AFF2: variants seen among roughly 807,000 people sequenced by gnomAD.
The protein encoded by AFF2 is ALF transcription elongation factor 2, also known as AF4/FMR2 family member 2.
A neutral mutation model predicts 76.9 loss-of-function variants in AFF2; 14 were observed. The observed-to-expected ratio is 0.18, with a 90% CI of 0.12 to 0.28. The LOEUF is 0.28. Ranked by LOEUF, AFF2 falls within the 10% of genes least tolerant of loss-of-function variation. The pLI is 1.00. For synonymous variants in AFF2, 398 were observed against 366.7 expected, an observed-to-expected ratio of 1.09 and a Z score of -0.98; for missense variants, 868 against 1,001.1, an observed-to-expected ratio of 0.87 and a Z score of 1.79.
intron 3 of AFF2, among the ~76,000 whole-genome samples, chrX:148,704,104 A>T (rs989933246): frequency 1.6e-4 from 16 of 100,868 alleles, no homozygotes; most frequent in African/African-American, 5.6e-4. Context: ...TATATATATT[A>T]TATATATATA....
intron 9 of AFF2, among the ~76,000 whole-genome samples, chrX:148,928,312 T>C (rs2071676069): frequency 8.9e-6 from 1 of 112,679 alleles, no homozygotes; most frequent in South Asian, 3.7e-4. Context: ...TATAGCTTTT[T>C]CTGTCAATTC....
At chrX:148,929,919 T>C (rs2071693354) in intron 9 of AFF2, among the ~76,000 whole-genome samples, 1 of 111,709 alleles carries the variant, frequency 9.0e-6, no homozygotes, top group Non-Finnish European at 1.9e-5. Flanking sequence ...TTTGCCTGAG[T>C]GTATGCTGCA....
chrX:148,746,293 G>T (rs1277644414), intron 3 of AFF2, among the ~76,000 whole-genome samples: 2 of 110,968 alleles, frequency 1.8e-5, no homozygotes, highest in African/African-American at 6.7e-5. Flanking sequence ...ATCAGACCCT[G>T]TTTGTAAGAT....
intron 8 of AFF2, among the ~76,000 whole-genome samples, chrX:148,895,646 G>A (rs782440235): frequency 9.2e-6 from 1 of 108,982 alleles, no homozygotes; most frequent in Non-Finnish European, 1.9e-5. Flanking sequence ...CAGAGATACC[G>A]AAACAAATAG....
chrX:148,781,126 G>A (rs1268386316), intron 3 of AFF2, among the ~76,000 whole-genome samples: 5 of 111,815 alleles, frequency 4.5e-5, no homozygotes, highest in Non-Finnish European at 9.4e-5. Flanking sequence ...TGGAAGCTTC[G>A]TCCCAGAAGG....
intron 1 of AFF2, among the ~76,000 whole-genome samples, chrX:148,573,929 A>G (rs964081925): frequency 9.0e-6 from 1 of 111,236 alleles, no homozygotes; most frequent in South Asian, 3.8e-4. Flanking sequence ...TGAGACTCCA[A>G]ATTAAAAATC....
chrX:148,523,029 C>T (rs2052618575), intron 1 of AFF2, among the ~76,000 whole-genome samples: 1 of 111,905 alleles, frequency 8.9e-6, no homozygotes, highest in Non-Finnish European at 1.9e-5. Flanking sequence ...AATTCGACTC[C>T]AGTGACTAAA....
rs781977149 is a variant in AFF2, at chrX:148,687,658, A to G, written c.1041+24890A>G. Among the ~76,000 whole-genome samples, 236 of 109,989 alleles carry G rather than the reference A, an allele frequency of 2.1e-3. 2 individuals carry two copies. Among genetic ancestry groups the G allele is most frequent in the African/African-American group, 7.3e-3 (220 of 30,285 alleles). Reference sequence around the variant, plus strand: ...CAGAAGCTTGTGTCTTTAGCTTCCTAGTCTCTTTTTATGCAATGTGGATTT... The same window carrying G: ...CAGAAGCTTGTGTCTTTAGCTTCCTGGTCTCTTTTTATGCAATGTGGATTT... On this transcript the variant is annotated intron_variant, in intron 3 of 20. Coordinates refer to ENST00000370460, the MANE Select transcript of AFF2 (RefSeq NM_002025.4).
intron 7 of AFF2, among the ~76,000 whole-genome samples, chrX:148,853,670 T>C (rs1386787364): frequency 8.9e-6 from 1 of 111,900 alleles, no homozygotes; most frequent in Non-Finnish European, 1.9e-5. Flanking sequence ...AGTTGAGTGC[T>C]ATTTTTGCTA....
At chrX:148,771,479 C>T (rs2069586926) in intron 3 of AFF2, among the ~76,000 whole-genome samples, 1 of 112,204 alleles carries the variant, frequency 8.9e-6, no homozygotes, top group Admixed American at 9.4e-5. Flanking sequence ...TGTGTAATTG[C>T]AAGAGAATGG....
At chrX:148,877,353 C>G (rs1163059381) in intron 7 of AFF2, among the ~76,000 whole-genome samples, 1 of 111,577 alleles carries the variant, frequency 9.0e-6, no homozygotes, top group Non-Finnish European at 1.9e-5. Context: ...AAGGTCTATC[C>G]AGCTCTACAG....
intron 1 of AFF2, among the ~76,000 whole-genome samples, chrX:148,599,902 C>T (rs1223931311): frequency 4.5e-5 from 5 of 111,544 alleles, no homozygotes; most frequent in Non-Finnish European, 9.4e-5. Flanking sequence ...CATCTAAGTG[C>T]ATGTATGTGT....
intron 1 of AFF2, among the ~76,000 whole-genome samples, chrX:148,581,309 CGTATACGTGTACACACATATAT>C (rs1557244785): frequency 1.8e-4 from 11 of 60,330 alleles, no homozygotes; most frequent in Non-Finnish European, 2.7e-4. Flanking sequence ...CACACATATA[CGTATACGTGTACACACATATAT>C]ACGTATACGT....
rs1390630697 is a variant in AFF2 at position 148,500,792 on chromosome X, G to A, written c.-306G>A. On this transcript the variant is annotated 5_prime_UTR_variant, in exon 1 of 21. Transcript: ENST00000370460. ...CAGGCGGGCGGCCCAGCCCGCCTGA[G>A]CCCGCAGCGGCTGCCGCCGCAGCGT... 2 of 107,674 alleles carry A rather than the reference G, an allele frequency of 1.9e-5. No homozygotes were observed. Among genetic ancestry groups the A allele is most frequent in the African/African-American group, 7.0e-5 (2 of 28,707 alleles). 8.9% of individuals were successfully genotyped at this position (107,674 alleles called of 1,213,427 possible). A position where few individuals can be genotyped will look rare whatever the true frequency, so the allele number is the denominator to read the frequency against.
intron 3 of AFF2, among the ~76,000 whole-genome samples, chrX:148,766,699 C>G (rs1427837170): frequency 9.0e-6 from 1 of 110,792 alleles, no homozygotes; most frequent in Non-Finnish European, 1.9e-5. Flanking sequence ...TGCAGAAGCT[C>G]TTTAGTTTAA....
chrX:148,884,217 G>A (rs148716699), intron 7 of AFF2, among the ~76,000 whole-genome samples: 1,278 of 111,832 alleles, frequency 0.011, 11 homozygotes, highest in Non-Finnish European at 0.016. Context: ...TCTCTTGAAG[G>A]ACAGTCATAA....
At chrX:148,890,919 G>T (rs2071215568) in intron 8 of AFF2, among the ~76,000 whole-genome samples, 1 of 112,239 alleles carries the variant, frequency 8.9e-6, no homozygotes, top group Admixed American at 9.4e-5. Context: ...ATTAGACATA[G>T]TGCTATGTAC....
chrX:148,552,580 G>T (rs1446344960), intron 1 of AFF2, among the ~76,000 whole-genome samples: 1 of 112,118 alleles, frequency 8.9e-6, no homozygotes, highest in African/African-American at 3.2e-5. Flanking sequence ...GCAGAGGTAT[G>T]GCCTTTAATT....
At chrX:148,704,274 ATATATATATGTGTGTATATATATATT>A (rs1569553719) in intron 3 of AFF2, among the ~76,000 whole-genome samples, 467 of 76,702 alleles carry the variant, frequency 6.1e-3, no homozygotes, top group East Asian at 6.5e-3. Flanking sequence ...ATATATATTT[ATATATATATGTGTGTATATATATATT>A]TATATATATG....
Sources: allele counts gnomAD v4.1 joint callset (sites outside exome capture counted in the v4.1 genomes callset), GRCh38; gene constraint gnomAD v4.1.1; transcripts MANE v1.5; gene names NCBI Gene and HGNC (gene_info 2026-07-23, HGNC 2026-07-21).